Variants in TMEM272 observed in about 807,000 individuals in gnomAD.
TMEM272 encodes long intergenic non-protein coding RNA 282.
A neutral mutation model predicts 3.7 loss-of-function variants in TMEM272; 8 were observed. The observed-to-expected ratio is 2.17, with a 90% confidence interval of 1.27 to 3.91. The LOEUF is 3.91. Ranked by LOEUF, TMEM272 falls within the 30% of genes most tolerant of loss-of-function variation. The pLI is 0.00. For missense variants in TMEM272, 166 were observed against 91.5 expected (o/e 1.81, Z -3.32); for synonymous variants, 63 against 39.8 (o/e 1.58, Z -2.20).
the TMEM272 span, among the ~76,000 whole-genome samples, chr13:51,881,975 C>T: frequency 6.6e-6 from 1 of 152,160 alleles, no homozygotes; most frequent in East Asian, 1.9e-4. Context: ...AGTGGATTAG[C>T]ATTTAATCTA....
At chr13:51,864,234 A>AT in the TMEM272 span, among the ~76,000 whole-genome samples, 1 of 151,940 alleles carries the variant, frequency 6.6e-6, no homozygotes, top group Non-Finnish European at 1.5e-5. Flanking sequence ...ACACATTTTT[A>AT]TAACAACACA....
chr13:51,820,920 AT>A (rs1480332634), intron 4 of TMEM272, among the ~76,000 whole-genome samples: 1 of 152,206 alleles, frequency 6.6e-6, no homozygotes, highest in Non-Finnish European at 1.5e-5. Flanking sequence ...AGATGGGGAC[AT>A]TTAACAGTGA....
At chr13:51,854,244 C>T in the TMEM272 span, among the ~76,000 whole-genome samples, 5 of 152,178 alleles carry the variant, frequency 3.3e-5, no homozygotes, top group African/African-American at 4.8e-5. Flanking sequence ...TATTATAAGG[C>T]TTACCCGAAA....
chr13:51,854,570 A>C, the TMEM272 span, among the ~76,000 whole-genome samples: 13 of 152,138 alleles, frequency 8.5e-5, no homozygotes, highest in East Asian at 2.5e-3. Flanking sequence ...GTAACCTTCT[A>C]CTTTAGAGAG....
chr13:51,865,362 G>A, the TMEM272 span: 1 of 1,561,300 alleles, frequency 6.4e-7, no homozygotes, highest in Non-Finnish European at 8.7e-7. Context: ...ACCTGGCCAA[G>A]GGTCCTGTCA....
intron 2 of TMEM272, among the ~76,000 whole-genome samples, chr13:51,835,330 T>A (rs1000050465): frequency 6.6e-6 from 1 of 151,864 alleles, no homozygotes; most frequent in Non-Finnish European, 1.5e-5. Context: ...GTTCAAGCGA[T>A]TCTCCTGCCC....
chr13:51,919,607 A>T, the TMEM272 span, among the ~76,000 whole-genome samples: 2 of 152,190 alleles, frequency 1.3e-5, no homozygotes, highest in Non-Finnish European at 2.9e-5. Context: ...CCATATTGAT[A>T]CACACAGATC....
the TMEM272 span, among the ~76,000 whole-genome samples, chr13:51,917,894 C>T: frequency 6.6e-6 from 1 of 152,166 alleles, no homozygotes. Flanking sequence ...AGAATGTCGC[C>T]CTTCTCCTCC....
At chr13:51,928,645 A>C in the TMEM272 span, among the ~76,000 whole-genome samples, 1 of 152,302 alleles carries the variant, frequency 6.6e-6, no homozygotes, top group East Asian at 1.9e-4. Context: ...TAATGAGGGC[A>C]GTTCTTATCA....
chr13:51,876,708 T>C, the TMEM272 span, among the ~76,000 whole-genome samples: 7 of 152,168 alleles, frequency 4.6e-5, no homozygotes, highest in East Asian at 1.9e-4. Flanking sequence ...GTGTGTAAAT[T>C]TGTAATTAGG....
chr13:51,859,176 T>TAA, the TMEM272 span, among the ~76,000 whole-genome samples: 8,807 of 142,392 alleles, frequency 0.062, 278 homozygotes, highest in East Asian at 0.1. Context: ...AGGGCATTTG[T>TAA]AAAAAAAAAA....
chr13:51,866,001 G>A, the TMEM272 span: 2 of 1,612,988 alleles, frequency 1.2e-6, no homozygotes, highest in African/African-American at 2.7e-5. Flanking sequence ...CACATTGCCG[G>A]AGAGCAGATG....
At chr13:51,927,247 G>A in the TMEM272 span, among the ~76,000 whole-genome samples, 2 of 151,980 alleles carry the variant, frequency 1.3e-5, no homozygotes, top group African/African-American at 4.8e-5. Flanking sequence ...TCCCCTCACT[G>A]CTCCCCACCC....
chr13:51,890,305 C>T, the TMEM272 span, among the ~76,000 whole-genome samples: 1 of 152,076 alleles, frequency 6.6e-6, no homozygotes, highest in Admixed American at 6.5e-5. Flanking sequence ...CCCTCATGAA[C>T]AGATTAATTC....
chr13:51,823,571 T>TA (rs1382432268), intron 3 of TMEM272, among the ~76,000 whole-genome samples: 2 of 152,242 alleles, frequency 1.3e-5, no homozygotes, highest in African/African-American at 2.4e-5. Context: ...AATAAACTCT[T>TA]ACAGTGTTAA....
chr13:51,932,095 C>T, the TMEM272 span, among the ~76,000 whole-genome samples: 3 of 152,142 alleles, frequency 2.0e-5, no homozygotes, highest in Non-Finnish European at 2.9e-5. Context: ...GTTGTCCTGG[C>T]ATAACTATTC....
the TMEM272 span, among the ~76,000 whole-genome samples, chr13:51,853,674 G>A: frequency 1.3e-5 from 2 of 152,038 alleles, no homozygotes; most frequent in African/African-American, 4.8e-5. Flanking sequence ...CCAACATAGG[G>A]GAATGTACAC....
the TMEM272 span, among the ~76,000 whole-genome samples, chr13:51,894,766 G>A: frequency 6.6e-6 from 1 of 152,088 alleles, no homozygotes; most frequent in Non-Finnish European, 1.5e-5. Flanking sequence ...ATGGTTTCAG[G>A]ATGATTCAAG....
chr13:51,860,729 A>ATG, the TMEM272 span, among the ~76,000 whole-genome samples: 1 of 31,488 alleles, frequency 3.2e-5, no homozygotes, highest in South Asian at 8.4e-4. Context: ...ACATATATAT[A>ATG]TGTGTGTGTG....
Sources: allele counts gnomAD v4.1 joint callset (sites outside exome capture counted in the v4.1 genomes callset), GRCh38; gene constraint gnomAD v4.1.1; transcripts MANE v1.5; gene names NCBI Gene and HGNC (gene_info 2026-07-23, HGNC 2026-07-21).